The following SMPX variants were observed in gnomAD, a reference collection of about 807,000 sequenced individuals.
The protein encoded by SMPX is small muscular protein.
SMPX carries 2 observed loss-of-function variants against 6.3 expected under a neutral mutation model. The observed-to-expected ratio is 0.32, with a 90% CI of 0.13 to 0.99. SMPX has a LOEUF of 0.99. Among genes scored for constraint, SMPX ranks in the 50% least tolerant of loss-of-function variants. The pLI, the probability that SMPX is intolerant of heterozygous loss-of-function variation, is 0.49. For synonymous variants in SMPX, 32 were observed against 24.7 expected (o/e 1.30, Z -0.88); for missense variants, 60 against 66.8 (o/e 0.90, Z 0.36).
chrX:21,727,033 C>G (rs999428450), intron 4 of SMPX, among the ~76,000 whole-genome samples: 1 of 112,469 alleles, frequency 8.9e-6, no homozygotes, highest in African/African-American at 3.2e-5. Context: ...CACATCCTTA[C>G]CCAACTAGAC....
At chrX:21,712,743 T>C (rs1318203781) in intron 4 of SMPX, among the ~76,000 whole-genome samples, 1 of 112,151 alleles carries the variant, frequency 8.9e-6, no homozygotes, top group African/African-American at 3.2e-5. Context: ...GACAAAGTGA[T>C]AAATAAGTCA....
chrX:21,709,538 G>A (rs2092776319), intron 4 of SMPX, among the ~76,000 whole-genome samples: 2 of 112,035 alleles, frequency 1.8e-5, no homozygotes, highest in African/African-American at 3.3e-5. Flanking sequence ...TGATGAGTTG[G>A]ACTACTGGAG....
chrX:21,726,077 A>G (rs1307438633), intron 4 of SMPX, among the ~76,000 whole-genome samples: 1 of 111,485 alleles, frequency 9.0e-6, no homozygotes, highest in Non-Finnish European at 1.9e-5. Context: ...GACTTACATT[A>G]TTATTCCTAT....
intron 4 of SMPX, among the ~76,000 whole-genome samples, chrX:21,722,825 C>A (rs1035490983): frequency 2.7e-5 from 3 of 111,493 alleles, no homozygotes; most frequent in African/African-American, 9.8e-5. Context: ...CATGTAACTT[C>A]TCTGTGCCTC....
At chrX:21,727,947 G>A (rs1454833151) in intron 4 of SMPX, among the ~76,000 whole-genome samples, 4 of 112,252 alleles carry the variant, frequency 3.6e-5, no homozygotes, top group Non-Finnish European at 7.5e-5. Flanking sequence ...CACTTCCCCA[G>A]TTTTCTGCGT....
rs1569306573 is a variant in SMPX at position 21,731,543 on chromosome X, GTATGTGTATATATACACATTATGTGTA to G, written c.*14+5979_*14+6005del. On this transcript the variant is annotated intron_variant, in intron 4 of 4. Transcript: ENST00000379494. ...ATGTGTACACATACACATTATGTGT[GTATGTGTATATATACACATTATGTGTA>G]TATGTGTATATGTGTATATGTACAC... 9.2e-4 allele frequency among the ~76,000 whole-genome samples: 69 copies of G among 75,188 alleles called. 3 individuals are homozygous for G. The highest frequency in any genetic ancestry group is 1.3e-3 in the Admixed American group (9 of 6,707). 65.3% of individuals were successfully genotyped at this position (75,188 alleles called of 115,157 possible).
intron 3 of SMPX, among the ~76,000 whole-genome samples, chrX:21,740,552 A>G (rs1237905749): frequency 8.9e-6 from 1 of 112,334 alleles, no homozygotes; most frequent in Admixed American, 9.4e-5. Flanking sequence ...GTTTTTCCCT[A>G]AACTCTCCTG....
chrX:21,752,852 C>T (rs925122497), intron 2 of SMPX, among the ~76,000 whole-genome samples: 2 of 111,169 alleles, frequency 1.8e-5, no homozygotes, highest in Non-Finnish European at 3.8e-5. Context: ...ACATGTAGCC[C>T]TAGGAAGTGA....
At chrX:21,748,469 C>T (rs1329194795) in intron 2 of SMPX, among the ~76,000 whole-genome samples, 1 of 111,598 alleles carries the variant, frequency 9.0e-6, no homozygotes, top group Non-Finnish European at 1.9e-5. Flanking sequence ...CACAATCAGT[C>T]GGGGGCAGGT....
chrX:21,744,786 C>G, intron 2 of SMPX, among the ~76,000 whole-genome samples: 1 of 112,121 alleles, frequency 8.9e-6, no homozygotes, highest in Middle Eastern at 4.6e-3. Flanking sequence ...GTTGAAATTT[C>G]GTTTTGATGT....
intron 3 of SMPX, among the ~76,000 whole-genome samples, chrX:21,741,289 G>T (rs1344774085): frequency 8.9e-6 from 1 of 112,176 alleles, no homozygotes; most frequent in Non-Finnish European, 1.9e-5. Flanking sequence ...TTCAAAGATG[G>T]TATGTTATGA....
At chrX:21,721,221 CAA>C (rs2092791398) in intron 4 of SMPX, among the ~76,000 whole-genome samples, 1 of 111,653 alleles carries the variant, frequency 9.0e-6, no homozygotes, top group African/African-American at 3.3e-5. Context: ...ACACGAGTCA[CAA>C]CCCTGACAAG....
chrX:21,712,814 A>G (rs1469617827), intron 4 of SMPX, among the ~76,000 whole-genome samples: 2 of 112,543 alleles, frequency 1.8e-5, no homozygotes, highest in African/African-American at 3.2e-5. Context: ...ACATCTTTCT[A>G]TATTGTTTAT....
chrX:21,745,346 AG>A (rs1301756710), intron 2 of SMPX, among the ~76,000 whole-genome samples: 37 of 111,638 alleles, frequency 3.3e-4, no homozygotes, highest in Middle Eastern at 9.2e-3. Flanking sequence ...GGGGCATAAG[AG>A]AGGAGAAAGA....
intron 4 of SMPX, among the ~76,000 whole-genome samples, chrX:21,731,543 G>GTATGTGTATATATACACAT (rs1387269012): frequency 2.7e-5 from 2 of 75,194 alleles, no homozygotes; most frequent in Non-Finnish European, 5.2e-5. Context: ...CATTATGTGT[G>GTATGTGTATATATACACAT]TATGTGTATA....
chrX:21,728,498 A>C (rs1282472262), intron 4 of SMPX, among the ~76,000 whole-genome samples: 2 of 111,945 alleles, frequency 1.8e-5, no homozygotes, highest in Non-Finnish European at 3.8e-5. Context: ...TGAATGAATA[A>C]ACAAATGAGC....
chrX:21,717,592 A>C (rs180924791), intron 4 of SMPX, among the ~76,000 whole-genome samples: 1 of 112,394 alleles, frequency 8.9e-6, no homozygotes, highest in Admixed American at 9.4e-5. Context: ...TATATGCTAG[A>C]AAATGTATTA....
At chrX:21,736,651 C>T (rs1291031582) in intron 4 of SMPX, among the ~76,000 whole-genome samples, 1 of 111,716 alleles carries the variant, frequency 9.0e-6, no homozygotes, top group Non-Finnish European at 1.9e-5. Context: ...GGGTGAGTGA[C>T]CAAATGAATG....
chrX:21,722,665 G>T (rs1051942025), intron 4 of SMPX, among the ~76,000 whole-genome samples: 6 of 111,280 alleles, frequency 5.4e-5, no homozygotes, highest in Non-Finnish European at 1.1e-4. Flanking sequence ...TTTACATTAG[G>T]ATTGTCCCTC....
Sources: allele counts gnomAD v4.1 joint callset (sites outside exome capture counted in the v4.1 genomes callset), GRCh38; gene constraint gnomAD v4.1.1; transcripts MANE v1.5; gene names NCBI Gene and HGNC (gene_info 2026-07-23, HGNC 2026-07-21).